The following NXF1 variants were observed in gnomAD, a reference collection of about 807,000 sequenced individuals.
NXF1 encodes mRNA export factor TAP.
NXF1 carries 43 observed loss-of-function variants against 92.4 expected under a neutral mutation model. That is an observed-to-expected ratio of 0.47 (90% CI 0.36 to 0.60). The LOEUF is 0.60. Among genes scored for constraint, NXF1 ranks in the 20% least tolerant of loss-of-function variants. NXF1 has a pLI of 0.00. For synonymous variants in NXF1, 288 were observed against 292.2 expected (o/e 0.99, Z 0.15); for missense variants, 576 against 793.0 (o/e 0.73, Z 3.29).
In NXF1 at chr11:62,794,374, G is replaced by A. The variant is rs201533876; in HGVS notation, c.1644C>T (p.Phe548=). The A allele has an allele frequency of 7.0e-5, 113 of 1,614,046 alleles. No homozygotes were observed. Among genetic ancestry groups the A allele is most frequent in the Non-Finnish European group, 8.6e-5 (102 of 1,180,032 alleles). ...NASSEEIQRA[F]AMPAPTPSSS... ...AGGAAGGCGTGGGTGCAGGCATAGC[G>A]AAGGCTCTTTGGATCTCTTCAGAAC... The change falls in exon 19 of 21, where the codon TTC becomes TTT. Residue 548 remains phenylalanine (F), a synonymous_variant. Coordinates refer to ENST00000294172, the MANE Select transcript of NXF1 (RefSeq NM_006362.5).
At chr11:62,792,782 A>T (rs755138772) in intron 19 of NXF1, 81 bp from the exon 20 acceptor site, 6 of 1,316,558 alleles carry the variant, frequency 4.6e-6, no homozygotes, top group Non-Finnish European at 6.5e-6. Context: ...AAAGCACCCA[A>T]GTTTGCCAAC....
intron 9 of NXF1, 67 bp from the exon 10 acceptor site, chr11:62,800,553 C>A (rs1322024730): frequency 1.9e-6 from 2 of 1,047,688 alleles, no homozygotes; most frequent in East Asian, 5.0e-5. Flanking sequence ...TCCCCATACC[C>A]CCAGTCCCTA....
intron 2 of NXF1, 40 bp from the exon 3 acceptor site, chr11:62,803,612 G>A (rs1443761569): frequency 6.2e-7 from 1 of 1,612,260 alleles, no homozygotes; most frequent in East Asian, 2.2e-5. Flanking sequence ...CAAATGCTAG[G>A]AAAGTCTTCT....
chr11:62,805,039 G>A (rs976259475), intron 1 of NXF1: 6 of 328,468 alleles, frequency 1.8e-5, no homozygotes, highest in African/African-American at 1.3e-4. Context: ...GAAGAGTCAG[G>A]CCGCCAAACC....
chr11:62,800,269 C>T (rs141871584), intron 10 of NXF1, 108 bp downstream of exon 10: 12 of 1,548,576 alleles, frequency 7.7e-6, no homozygotes, highest in Non-Finnish European at 9.6e-6. Context: ...ACAGGTGGTT[C>T]CAGCTCAGGG....
intron 8 of NXF1, 52 bp from the exon 9 acceptor site, chr11:62,801,253 A>G (rs1476924257): frequency 6.2e-7 from 1 of 1,604,272 alleles, no homozygotes; most frequent in Admixed American, 1.7e-5. Context: ...TGGATCAGAG[A>G]CGAATCTGCC....
At position 62,792,434 on chromosome 11, in the gene NXF1, G is replaced by A. The variant is rs151183155; in HGVS notation, c.*42C>T. 2 of 1,610,954 alleles carry A rather than the reference G, an allele frequency of 1.2e-6. No individual in the cohort carries two copies. The highest frequency in any genetic ancestry group is 1.7e-6 in the Non-Finnish European group (2 of 1,177,230). ...ACGACAACCAGACGGTAATATCCAAGGACTATTTACAGGGGGGACTGCTTC... is the reference window on the plus strand; with the variant it reads ...ACGACAACCAGACGGTAATATCCAAAGACTATTTACAGGGGGGACTGCTTC... On this transcript the variant is annotated 3_prime_UTR_variant, in exon 21 of 21. Coordinates refer to ENST00000294172, the MANE Select transcript of NXF1 (RefSeq NM_006362.5).
rs1372076134 is a variant in NXF1, at chr11:62,797,196, G to A, written c.1165C>T (p.His389Tyr). The A allele has an allele frequency of 1.2e-6, 2 of 1,614,186 alleles. No homozygotes were observed. The highest frequency in any genetic ancestry group is 1.7e-4 in the Middle Eastern group (1 of 6,060). The change falls in exon 13 of 21, where the codon CAC (histidine) becomes TAC (tyrosine). Residue 389 changes from histidine to tyrosine, a missense_variant. Coordinates refer to ENST00000294172, the MANE Select transcript of NXF1 (RefSeq NM_006362.5). ...GTENLKSLVL[H>Y]FLQQYYAIYD... is the part of the protein sequence containing the mutation. ...TGGGATACTTACTGTTGCAGGAAGT[G>A]CAAGACCAGACTCTTCAAGTTTTCT...
intron 12 of NXF1, 30 bp downstream of exon 12, chr11:62,797,287 CA>C: frequency 6.2e-7 from 1 of 1,614,120 alleles, no homozygotes. Flanking sequence ...TCTCTCCACA[CA>C]CAAGTTCTTA....
At chr11:62,799,643 C>G in intron 10 of NXF1, 1 of 985,710 alleles carries the variant, frequency 1.0e-6, no homozygotes, top group Non-Finnish European at 1.2e-6. Flanking sequence ...GCAGCGCCCC[C>G]GAGGGGGTCA....
At chr11:62,798,436 T>TAAA in intron 11 of NXF1, 103 bp downstream of exon 11, 41 of 1,175,874 alleles carry the variant, frequency 3.5e-5, no homozygotes, top group South Asian at 1.1e-4. Flanking sequence ...CCGTCTCAAA[T>TAAA]AAAAAAAAAA....
At chr11:62,800,971 A>G in intron 9 of NXF1, 123 bp downstream of exon 9, 1 of 741,486 alleles carries the variant, frequency 1.3e-6, no homozygotes, top group Non-Finnish European at 2.3e-6. Context: ...AAGTGTTAGG[A>G]TTAGAGTTGC....
At position 62,805,393 on chromosome 11, in the gene NXF1, C is replaced by T. The variant is rs2084527047; in HGVS notation, c.-37G>A. 6.2e-7 allele frequency: 1 copy of T among 1,609,792 alleles called. No individual in the cohort carries two copies. Among genetic ancestry groups the T allele is most frequent in the South Asian group, 1.1e-5 (1 of 90,016 alleles). On this transcript the variant is annotated 5_prime_UTR_variant, in exon 1 of 21. Coordinates refer to ENST00000294172, the MANE Select transcript of NXF1 (RefSeq NM_006362.5). Reference sequence around the variant, plus strand: ...GATCAAGGGCGGGCTCAGGCGCTGGCCGCTACGCCGGCAAACAACCTAACT... The same window carrying T: ...GATCAAGGGCGGGCTCAGGCGCTGGTCGCTACGCCGGCAAACAACCTAACT...
At position 62,803,857 on chromosome 11, in the gene NXF1, G is replaced by A. The variant is rs754226925; in HGVS notation, c.150C>T (p.Ser50=). 21 of 1,614,160 alleles carry A rather than the reference G, an allele frequency of 1.3e-5. No homozygotes were observed. In the Admixed American group the frequency reaches 2.5e-4, roughly 19 times the overall value. ...SGRGGSGIRS[S]RLEEDDGDVA... ...CATCTCCATCATCTTCCTCAAGGCGGGAAGACCGAATACCAGAACCGCCTC... is the reference window on the plus strand; with the variant it reads ...CATCTCCATCATCTTCCTCAAGGCGAGAAGACCGAATACCAGAACCGCCTC... The change falls in exon 2 of 21, where the codon TCC becomes TCT. Residue 50 remains serine, a synonymous_variant. Transcript: ENST00000294172.
intron 1 of NXF1, 74 bp downstream of exon 1, chr11:62,805,255 G>T: frequency 6.7e-7 from 1 of 1,495,392 alleles, no homozygotes; most frequent in East Asian, 2.7e-5. Flanking sequence ...CACGCCCCGG[G>T]GGCTGAGGCC....
chr11:62,794,136 G>T, intron 19 of NXF1, 122 bp downstream of exon 19: 1 of 850,862 alleles, frequency 1.2e-6, no homozygotes. Flanking sequence ...CTATACTCCA[G>T]CCTGGATGAC....
At chr11:62,798,669 C>T in intron 10 of NXF1, 94 bp from the exon 11 acceptor site, 1 of 1,581,928 alleles carries the variant, frequency 6.3e-7, no homozygotes, top group East Asian at 2.3e-5. Flanking sequence ...GAGGGACAGC[C>T]CATCCCATCC....
intron 11 of NXF1, among the ~76,000 whole-genome samples, chr11:62,798,237 G>A (rs1189373322): frequency 2.0e-5 from 3 of 151,624 alleles, no homozygotes; most frequent in Non-Finnish European, 4.4e-5. Flanking sequence ...AGGCCAGCCT[G>A]GCGAACATGG....
At chr11:62,794,126 C>A (rs2084396433) in intron 19 of NXF1, 132 bp downstream of exon 19, 4 of 778,932 alleles carry the variant, frequency 5.1e-6, no homozygotes, top group Admixed American at 5.6e-5. Flanking sequence ...ATGATCACCA[C>A]TATACTCCAG....
Sources: gnomAD v4.1 joint callset for allele counts (sites outside exome capture counted in the v4.1 genomes callset) on GRCh38, gnomAD v4.1.1 for gene constraint, MANE v1.5 for transcripts, NCBI Gene and HGNC (gene_info 2026-07-23, HGNC 2026-07-21) for gene names.